The following SNX29 variants were observed in gnomAD, a reference collection of about 807,000 sequenced individuals.
SNX29 encodes sorting nexin-29.
In SNX29, 78 loss-of-function variants were observed where a neutral mutation model predicts 102.1. The ratio of observed to expected loss-of-function variants is 0.76; its 90% CI spans 0.64 to 0.92. SNX29 has a LOEUF of 0.92. SNX29 is among the 40% of genes least tolerant of loss of function. SNX29 has a pLI of 0.00. For missense variants in SNX29, 1,280 were observed against 1,061.7 expected, an observed-to-expected ratio of 1.21 and a Z score of -2.86; for synonymous variants, 580 against 414.5, an observed-to-expected ratio of 1.40 and a Z score of -4.85.
At chr16:12,544,251 C>T (rs962760643) in intron 20 of SNX29, among the ~76,000 whole-genome samples, 12 of 151,142 alleles carry the variant, frequency 7.9e-5, no homozygotes, top group African/African-American at 2.0e-4. Context: ...AACTAACTTA[C>T]CCAGATTGCA....
chr16:12,192,305 G>T (rs556660672), intron 13 of SNX29, among the ~76,000 whole-genome samples: 64 of 152,164 alleles, frequency 4.2e-4, no homozygotes, highest in Non-Finnish European at 8.5e-4. Context: ...AGTTGGCAAG[G>T]CTTTCTAGAA....
chr16:12,085,466 A>G (rs1253667733), intron 11 of SNX29, among the ~76,000 whole-genome samples: 1 of 152,188 alleles, frequency 6.6e-6, no homozygotes, highest in Non-Finnish European at 1.5e-5. Flanking sequence ...AGCTGGGATT[A>G]AAGGCACGCG....
At chr16:11,990,222 A>T (rs1397069094) in intron 1 of SNX29, among the ~76,000 whole-genome samples, 2 of 152,118 alleles carry the variant, frequency 1.3e-5, no homozygotes, top group Non-Finnish European at 2.9e-5. Context: ...CATTGTTCTC[A>T]CAAGAGTATA....
intron 1 of SNX29, among the ~76,000 whole-genome samples, chr16:11,988,866 G>C (rs2150981169): frequency 6.6e-6 from 1 of 152,328 alleles, no homozygotes; most frequent in Middle Eastern, 3.4e-3. Flanking sequence ...TTGCTTTCAG[G>C]CTGCAATGGC....
intron 18 of SNX29, among the ~76,000 whole-genome samples, chr16:12,418,540 A>G (rs1302523162): frequency 6.8e-6 from 1 of 147,124 alleles, no homozygotes; most frequent in African/African-American, 2.5e-5. Flanking sequence ...TTTGAGATGG[A>G]GTCTCACTCT....
At chr16:11,986,188 T>G (rs1430846937) in intron 1 of SNX29, among the ~76,000 whole-genome samples, 1 of 151,454 alleles carries the variant, frequency 6.6e-6, no homozygotes, top group African/African-American at 2.4e-5. Flanking sequence ...GCAAGGGGAG[T>G]GAGGACTCTT....
chr16:12,363,799 G>A (rs889884440), intron 16 of SNX29, among the ~76,000 whole-genome samples: 10 of 152,188 alleles, frequency 6.6e-5, no homozygotes, highest in African/African-American at 2.2e-4. Context: ...GGGACCACAA[G>A]TGTTTCAGAT....
chr16:12,221,578 C>T (rs533755683), intron 14 of SNX29, among the ~76,000 whole-genome samples: 16 of 152,266 alleles, frequency 1.1e-4, no homozygotes, highest in South Asian at 2.1e-4. Context: ...GGCGCCACTG[C>T]ACACCAGCCT....
chr16:12,109,119 C>T (rs1451745470), intron 11 of SNX29, among the ~76,000 whole-genome samples: 5 of 96,154 alleles, frequency 5.2e-5, no homozygotes, highest in East Asian at 6.9e-4. Context: ...TAGAGTGAGG[C>T]GCTGTCTCAA....
intron 11 of SNX29, among the ~76,000 whole-genome samples, chr16:12,107,315 TCTGA>T (rs961302506): frequency 4.6e-5 from 7 of 150,790 alleles, no homozygotes; most frequent in African/African-American, 9.7e-5. Context: ...CACGGGCCAA[TCTGA>T]CTGACCACAG....
intron 17 of SNX29, among the ~76,000 whole-genome samples, chr16:12,402,343 C>T (rs78752309): frequency 0.017 from 2,616 of 152,286 alleles, 61 homozygotes; most frequent in East Asian, 0.055. Context: ...CTTCCATCAC[C>T]GGTGTCTCAA....
intron 15 of SNX29, among the ~76,000 whole-genome samples, chr16:12,285,789 ACT>A (rs1275079637): frequency 6.8e-6 from 1 of 146,996 alleles, no homozygotes; most frequent in Non-Finnish European, 1.5e-5. Flanking sequence ...AGGATAAAAA[ACT>A]CTGAGCTGAG....
chr16:12,479,578 C>T (rs1210524936), intron 19 of SNX29, among the ~76,000 whole-genome samples: 1 of 152,148 alleles, frequency 6.6e-6, no homozygotes, highest in Admixed American at 6.5e-5. Flanking sequence ...ACGTGGCAGA[C>T]AGAAACTCTA....
rs576042214 is a variant in SNX29, at chr16:12,481,550, A to C, written c.2178+3691A>C. Among the ~76,000 whole-genome samples the C allele has an allele frequency of 9.9e-4, 111 of 111,732 alleles. 3 individuals are homozygous for C. The highest frequency in any genetic ancestry group is 5.3e-3 in the East Asian group (23 of 4,328). The allele number at this position is 111,732 out of a possible 152,430, so 73.3% of individuals were successfully genotyped here. A position where few individuals can be genotyped will look rare whatever the true frequency, so the allele number is the denominator to read the frequency against. On this transcript the variant is annotated intron_variant, in intron 19 of 20. Transcript: ENST00000566228. ...CACACACACACACACACACACACAC[A>C]CACACCCCAAATGTCACCCTGTCGC...
intron 16 of SNX29, among the ~76,000 whole-genome samples, chr16:12,387,125 A>C (rs935805291): frequency 1.3e-5 from 2 of 151,956 alleles, no homozygotes; most frequent in Non-Finnish European, 2.9e-5. Flanking sequence ...ACTCAGTCTC[A>C]TTAAAAAAAT....
intron 11 of SNX29, among the ~76,000 whole-genome samples, chr16:12,118,246 C>A (rs979336648): frequency 6.7e-6 from 1 of 149,426 alleles, no homozygotes; most frequent in African/African-American, 2.5e-5. Flanking sequence ...GGTGAGTACT[C>A]CTTTAAAGCT....
intron 4 of SNX29, among the ~76,000 whole-genome samples, chr16:12,037,709 T>C (rs533149603): frequency 1.3e-5 from 2 of 151,712 alleles, no homozygotes; most frequent in South Asian, 2.1e-4. Flanking sequence ...CCCAGTGCTT[T>C]GGGAGGCCGA....
chr16:12,045,099 G>A (rs1356114148), intron 5 of SNX29, among the ~76,000 whole-genome samples: 1 of 152,198 alleles, frequency 6.6e-6, no homozygotes, highest in Non-Finnish European at 1.5e-5. Context: ...AACAGGCTCA[G>A]ATTTTTAAAG....
intron 11 of SNX29, among the ~76,000 whole-genome samples, chr16:12,080,035 T>A (rs983964832): frequency 6.6e-6 from 1 of 152,166 alleles, no homozygotes; most frequent in Admixed American, 6.5e-5. Flanking sequence ...TTTTATATAT[T>A]TTAATACATT....
Sources: gnomAD v4.1 joint callset for allele counts (sites outside exome capture counted in the v4.1 genomes callset) on GRCh38, gnomAD v4.1.1 for gene constraint, MANE v1.5 for transcripts, NCBI Gene and HGNC (gene_info 2026-07-23, HGNC 2026-07-21) for gene names.